SPATA1: variants seen among roughly 807,000 people sequenced by gnomAD.
SPATA1 encodes the protein spermatogenesis-associated protein 1.
In SPATA1, 57 loss-of-function variants were observed where a neutral mutation model predicts 59.6. The ratio of observed to expected loss-of-function variants is 0.96; its 90% CI spans 0.77 to 1.19. The LOEUF is 1.19. SPATA1 is among the 50% of genes most tolerant of loss of function. The pLI is 0.00. For missense variants in SPATA1, 448 were observed against 480.7 expected, an observed-to-expected ratio of 0.93 and a Z score of 0.64; for synonymous variants, 147 against 163.9, an observed-to-expected ratio of 0.90 and a Z score of 0.79.
intron 1 of SPATA1, among the ~76,000 whole-genome samples, chr1:84,515,452 T>A (rs1305761783): frequency 6.6e-6 from 1 of 151,296 alleles, no homozygotes; most frequent in Non-Finnish European, 1.5e-5. Flanking sequence ...GAATTTTAAG[T>A]TTTGTTGGAT....
chr1:84,537,965 T>C (rs1260807398), intron 8 of SPATA1, among the ~76,000 whole-genome samples: 1 of 152,186 alleles, frequency 6.6e-6, no homozygotes, highest in Non-Finnish European at 1.5e-5. Flanking sequence ...CAATAAGGAA[T>C]GTTATAGTAG....
chr1:84,508,909 T>C (rs1682405187), intron 1 of SPATA1, among the ~76,000 whole-genome samples: 1 of 152,086 alleles, frequency 6.6e-6, no homozygotes, highest in South Asian at 2.1e-4. Context: ...ATGCAAGAAA[T>C]TGAAGAGGAC....
chr1:84,522,883 T>G (rs1166572729), intron 4 of SPATA1, among the ~76,000 whole-genome samples: 1 of 151,948 alleles, frequency 6.6e-6, no homozygotes, highest in Non-Finnish European at 1.5e-5. Context: ...GAAAATGATA[T>G]GGCTCCAACA....
exon 5 of SPATA1, chr1:84,566,090 T>C (rs752631826): frequency 2.4e-6 from 2 of 840,498 alleles, no homozygotes; most frequent in Non-Finnish European, 1.6e-6. Context: ...ATTATATATA[T>C]TTTTTACCTT....
At position 84,510,414 on chromosome 1, in the gene SPATA1, C is replaced by T. The variant is rs142048541; in HGVS notation, c.-138+3996C>T. 2.6e-5 allele frequency among the ~76,000 whole-genome samples: 4 copies of T among 152,278 alleles called. No homozygotes were observed. The East Asian group carries it at 7.7e-4, about 29-fold the overall frequency. ...AACAGGTATATGAAAAGGTATTCAA[C>T]ATCACCGATCATCAGGAGAAATGCA... On this transcript the variant is annotated intron_variant, in intron 1 of 12. Coordinates refer to ENST00000490879, the Ensembl canonical transcript of SPATA1.
intron 6 of SPATA1, among the ~76,000 whole-genome samples, chr1:84,530,853 C>G (rs1683437914): frequency 6.6e-6 from 1 of 152,200 alleles, no homozygotes; most frequent in South Asian, 2.1e-4. Flanking sequence ...ATGCTTCACA[C>G]ATTATTAGTA....
chr1:84,543,976 T>A (rs1295299789), intron 8 of SPATA1, among the ~76,000 whole-genome samples: 2 of 152,164 alleles, frequency 1.3e-5, no homozygotes, highest in Non-Finnish European at 2.9e-5. Flanking sequence ...AATAACAGAT[T>A]TTTTTTAAAT....
chr1:84,556,061 T>C (rs1477784399), downstream of SPATA1: 1 of 152,210 alleles, frequency 6.6e-6, no homozygotes, highest in African/African-American at 2.4e-5. Flanking sequence ...CTGCACTTTA[T>C]TGGTGACTTA....
chr1:84,558,689 C>T (rs984405503), downstream of SPATA1, among the ~76,000 whole-genome samples: 3 of 151,626 alleles, frequency 2.0e-5, no homozygotes, highest in Admixed American at 6.6e-5. Flanking sequence ...TCACTTGAGG[C>T]CAGGAGTTCA....
chr1:84,565,899 A>T, exon 5 of SPATA1: 3 of 1,594,780 alleles, frequency 1.9e-6, no homozygotes, highest in Non-Finnish European at 2.6e-6. Context: ...ACCAGATCTG[A>T]CTTTGTTCAT....
chr1:84,532,245 C>T (rs11163999), intron 6 of SPATA1, among the ~76,000 whole-genome samples: 81,053 of 152,136 alleles, frequency 0.53, 24,041 homozygotes, highest in East Asian at 0.77. Context: ...CCTGTAATTT[C>T]AGCACTTTGG....
intron 6 of SPATA1, among the ~76,000 whole-genome samples, chr1:84,529,465 A>G (rs1368386784): frequency 6.6e-6 from 1 of 152,052 alleles, no homozygotes; most frequent in African/African-American, 2.4e-5. Flanking sequence ...TGTTCTTAGT[A>G]ACTGTAATGG....
exon 2 of SPATA1, chr1:84,516,359 T>C: frequency 6.6e-7 from 1 of 1,524,934 alleles, no homozygotes; most frequent in Non-Finnish European, 8.8e-7. Flanking sequence ...CATTAGTGAA[T>C]ATGTCACTCA....
downstream of SPATA1, among the ~76,000 whole-genome samples, chr1:84,556,856 A>C (rs1468205167): frequency 6.6e-6 from 1 of 152,194 alleles, no homozygotes; most frequent in Non-Finnish European, 1.5e-5. Context: ...ACATTTTTAG[A>C]ACTAGACAAA....
intron 8 of SPATA1, among the ~76,000 whole-genome samples, chr1:84,537,228 C>A (rs948684239): frequency 1.3e-5 from 2 of 152,122 alleles, no homozygotes; most frequent in African/African-American, 4.8e-5. Context: ...CAATTTACAG[C>A]ATTTTACTAT....
At chr1:84,544,172 G>A (rs371487784) in intron 8 of SPATA1, 30 bp from the exon 9 acceptor site, 23 of 1,386,728 alleles carry the variant, frequency 1.7e-5, no homozygotes, top group East Asian at 1.4e-4. Flanking sequence ...CAGTGTAGCC[G>A]ATCTTACTCA....
chr1:84,539,980 C>A (rs938006007), intron 8 of SPATA1, among the ~76,000 whole-genome samples: 6 of 152,160 alleles, frequency 3.9e-5, no homozygotes, highest in African/African-American at 1.4e-4. Context: ...TTCTTCGGCT[C>A]ATTTAATGCC....
chr1:84,541,646 CTTAG>C (rs1683907121), intron 8 of SPATA1, among the ~76,000 whole-genome samples: 1 of 152,030 alleles, frequency 6.6e-6, no homozygotes, highest in African/African-American at 2.4e-5. Flanking sequence ...TCTGCAAATG[CTTAG>C]TTAATTATAT....
At chr1:84,522,762 T>C (rs571800339) in intron 4 of SPATA1, among the ~76,000 whole-genome samples, 48 of 152,336 alleles carry the variant, frequency 3.2e-4, no homozygotes, top group Non-Finnish European at 5.1e-4. Context: ...AATGTGATCA[T>C]ATAAGTTCTT....
Sources: gnomAD v4.1 joint callset for allele counts (sites outside exome capture counted in the v4.1 genomes callset) on GRCh38, gnomAD v4.1.1 for gene constraint, MANE v1.5 for transcripts, NCBI Gene and HGNC (gene_info 2026-07-23, HGNC 2026-07-21) for gene names.